Variants in ANKRD13B observed in about 807,000 individuals in gnomAD.
ANKRD13B encodes the protein ankyrin repeat domain-containing protein 13B.
In ANKRD13B, 33 loss-of-function variants were observed where a neutral mutation model predicts 74.4. The ratio of observed to expected loss-of-function variants is 0.44; its 90% CI spans 0.34 to 0.59. The LOEUF is 0.59. Ranked by LOEUF, ANKRD13B falls within the 20% of genes least tolerant of loss-of-function variation. The pLI is 0.02. For synonymous variants in ANKRD13B, 341 were observed against 362.9 expected (o/e 0.94, Z 0.68); for missense variants, 676 against 877.9 (o/e 0.77, Z 2.91).
chr17:29,601,268 C>T (rs1187614752), intron 1 of ANKRD13B, among the ~76,000 whole-genome samples: 1 of 149,708 alleles, frequency 6.7e-6, no homozygotes, highest in Non-Finnish European at 1.5e-5. Flanking sequence ...GTCACCCAGG[C>T]TGGAGTGCAG....
Position 29,593,663 on chromosome 17 carries a change from C to A in ANKRD13B, c.42C>A (p.Gly14=). ...CCTCCGCCAGGAAGGGGCCCGAGGG[C>A]AAGTATCCGCTGCACTACCTCGTGT... ...ANASARKGPE[G]KYPLHYLVWH... is the part of the protein sequence containing the mutation. The change falls in exon 1 of 15, where the codon GGC becomes GGA. Residue 14 remains glycine, a synonymous_variant. Coordinates refer to ENST00000394859, the MANE Select transcript of ANKRD13B (RefSeq NM_152345.5). 1 of 1,430,516 alleles carries A rather than the reference C, an allele frequency of 7.0e-7. No homozygotes were observed. The highest frequency in any genetic ancestry group is 9.2e-7 in the Non-Finnish European group (1 of 1,081,174). The allele number at this position is 1,430,516 out of a possible 1,614,324, so 88.6% of individuals were successfully genotyped here.
At position 29,612,620 on chromosome 17, in the gene ANKRD13B, G is replaced by T. The variant is rs760502252; in HGVS notation, c.1412-32G>T. 33 of 1,520,306 alleles carry T rather than the reference G, an allele frequency of 2.2e-5. No individual in the cohort carries two copies. In the South Asian group the frequency reaches 3.4e-4, roughly 16 times the overall value. 94.2% of individuals were successfully genotyped at this position (1,520,306 alleles called of 1,614,324 possible). A position where few individuals can be genotyped will look rare whatever the true frequency, so the allele number is the denominator to read the frequency against. On this transcript the variant is annotated intron_variant, in intron 12 of 14. Coordinates refer to ENST00000394859, the MANE Select transcript of ANKRD13B (RefSeq NM_152345.5). This position sits in a 1 kb window ranked among gnomAD's most constrained non-coding sequence, Gnocchi z 6.1. ...CGGGGTGGGTGGGAGGGGCGCGCCC[G>T]GCCGTGCCTGACCCAGCCCCCGCGC... is the stretch of plus-strand genomic sequence containing the variant.
chr17:29,596,363 T>C (rs2033955250), intron 1 of ANKRD13B, among the ~76,000 whole-genome samples: 1 of 152,242 alleles, frequency 6.6e-6, no homozygotes. Context: ...GGTGCCCTGC[T>C]TGCCGCTATG....
chr17:29,602,381 T>C (rs1054753594), intron 1 of ANKRD13B, among the ~76,000 whole-genome samples: 9 of 130,156 alleles, frequency 6.9e-5, no homozygotes, highest in African/African-American at 2.8e-4. Context: ...GGCGACAGAG[T>C]GAGATTCCAT....
chr17:29,610,833 C>A, intron 8 of ANKRD13B, 67 bp downstream of exon 8: 5 of 1,476,612 alleles, frequency 3.4e-6, no homozygotes, highest in Non-Finnish European at 4.7e-6. Flanking sequence ...CACTTCAGTG[C>A]TTCCATCAGT....
rs754029689 is a variant in ANKRD13B at position 29,612,632 on chromosome 17, C to G, written c.1412-20C>G. The G allele has an allele frequency of 6.5e-7, 1 of 1,528,356 alleles. No individual in the cohort carries two copies. The highest frequency in any genetic ancestry group is 1.4e-5 in the African/African-American group (1 of 73,352). The allele number at this position is 1,528,356 out of a possible 1,614,324, so 94.7% of individuals were successfully genotyped here. ...GAGGGGCGCGCCCGGCCGTGCCTGA[C>G]CCAGCCCCCGCGCCCCCAGCCTCCT... On this transcript the variant is annotated intron_variant, in intron 12 of 14. Transcript: ENST00000394859. The surrounding 1 kb of genome is among the most constrained non-coding windows in gnomAD (Gnocchi z 6.1).
At chr17:29,596,042 G>A (rs1005542305) in intron 1 of ANKRD13B, among the ~76,000 whole-genome samples, 3 of 151,972 alleles carry the variant, frequency 2.0e-5, no homozygotes, top group Non-Finnish European at 2.9e-5. Context: ...CTGGCCTCTA[G>A]TCCCCCTGGT....
chr17:29,603,370 A>G (rs2034250520), intron 1 of ANKRD13B, among the ~76,000 whole-genome samples: 4 of 152,152 alleles, frequency 2.6e-5, no homozygotes, highest in Admixed American at 2.6e-4. Flanking sequence ...GCTTCAGAGG[A>G]GCTGGGACTA....
Position 29,613,402 on chromosome 17 carries a change from GC to G in ANKRD13B, c.1704del (p.Ser569AlafsTer51). 6.6e-7 allele frequency: 1 copy of G among 1,503,944 alleles called. No homozygotes were observed. Among genetic ancestry groups the G allele is most frequent in the Non-Finnish European group, 8.8e-7 (1 of 1,131,356 alleles). 93.2% of individuals were successfully genotyped at this position (1,503,944 alleles called of 1,614,324 possible). A position where few individuals can be genotyped will look rare whatever the true frequency, so the allele number is the denominator to read the frequency against. ...GCCAGCCTGCGCCCCCGGCGTCAGTGCCCAGCCCTCGGCCCAGCTCAGGGCC... is the reference window on the plus strand; with the variant it reads ...GCCAGCCTGCGCCCCCGGCGTCAGTGCCAGCCCTCGGCCCAGCTCAGGGCC... The part of the protein sequence containing the change: ...QRQPAPPASV[P>X]SPRPSSGPGS... On this transcript the variant is annotated frameshift_variant, in exon 15 of 15. Coordinates refer to ENST00000394859, the MANE Select transcript of ANKRD13B (RefSeq NM_152345.5). LOFTEE classifies it high-confidence loss of function.
chr17:29,610,050 G>A (rs1249012181), intron 7 of ANKRD13B, among the ~76,000 whole-genome samples: 1 of 152,008 alleles, frequency 6.6e-6, no homozygotes, highest in Non-Finnish European at 1.5e-5. Context: ...AAATTAGCCG[G>A]GTGTGGTAGC....
rs971455858 is a variant in ANKRD13B, at chr17:29,611,442, C to T, written c.905-137C>T. The T allele has an allele frequency of 8.7e-6, 7 of 809,016 alleles. No homozygotes were observed. Among genetic ancestry groups the T allele is most frequent in the Middle Eastern group, 3.5e-4 (1 of 2,846 alleles). 50.1% of individuals were successfully genotyped at this position (809,016 alleles called of 1,614,324 possible). On this transcript the variant is annotated intron_variant, in intron 8 of 14. Transcript: ENST00000394859. The surrounding 1 kb of genome is among the most constrained non-coding windows in gnomAD (Gnocchi z 4.3). ...CTCAGTCCCCTTCAGGTGAAGGTGCCTGAGTATGTGGTTGGGTGAGCAGGC... is the reference window on the plus strand; with the variant it reads ...CTCAGTCCCCTTCAGGTGAAGGTGCTTGAGTATGTGGTTGGGTGAGCAGGC...
intron 1 of ANKRD13B, among the ~76,000 whole-genome samples, chr17:29,600,156 G>A (rs1267183490): frequency 1.3e-5 from 2 of 152,130 alleles, no homozygotes; most frequent in Non-Finnish European, 2.9e-5. Context: ...GATTACAGGC[G>A]TGAGCCACTG....
rs758170371 is a variant in ANKRD13B at position 29,608,291 on chromosome 17, C to T, written c.421+51C>T. ...CTGGGCTCTCCCACTTTAGGTCCTG[C>T]GCTTGCTCCCCTGCCTGGAATGTGT... On this transcript the variant is annotated intron_variant, in intron 4 of 14. Transcript: ENST00000394859. This position sits in a 1 kb window ranked among gnomAD's most constrained non-coding sequence, Gnocchi z 6.4. 3.1e-6 allele frequency: 5 copies of T among 1,609,492 alleles called. No homozygotes were observed. Among genetic ancestry groups the T allele is most frequent in the East Asian group, 4.5e-5 (2 of 44,850 alleles).
rs1021471982 is a variant in ANKRD13B at position 29,609,536 on chromosome 17, G to A, written c.822+115G>A. On this transcript the variant is annotated intron_variant, in intron 7 of 14. Coordinates refer to ENST00000394859, the MANE Select transcript of ANKRD13B (RefSeq NM_152345.5). The surrounding 1 kb of genome is among the most constrained non-coding windows in gnomAD (Gnocchi z 4.0). ...GGAGGTACAGAAGCAATGCAGCGTGGTCAAGCACTTATATTTGGGTTCAAG... is the reference window on the plus strand; with the variant it reads ...GGAGGTACAGAAGCAATGCAGCGTGATCAAGCACTTATATTTGGGTTCAAG... 2 of 1,261,634 alleles carry A rather than the reference G, an allele frequency of 1.6e-6. No homozygotes were observed. Among genetic ancestry groups the A allele is most frequent in the African/African-American group, 1.5e-5 (1 of 66,938 alleles). The allele number at this position is 1,261,634 out of a possible 1,614,324, so 78.2% of individuals were successfully genotyped here. A position where few individuals can be genotyped will look rare whatever the true frequency, so the allele number is the denominator to read the frequency against.
chr17:29,596,424 C>T (rs1201859019), intron 1 of ANKRD13B, among the ~76,000 whole-genome samples: 5 of 152,226 alleles, frequency 3.3e-5, no homozygotes, highest in Non-Finnish European at 7.3e-5. Context: ...AGGGAATATG[C>T]CAGTTCCCCC....
intron 1 of ANKRD13B, among the ~76,000 whole-genome samples, chr17:29,599,224 G>A (rs1476062720): frequency 1.3e-5 from 2 of 152,200 alleles, no homozygotes; most frequent in African/African-American, 4.8e-5. Flanking sequence ...GCGAAGGGTG[G>A]AGCAAATGAG....
chr17:29,599,072 C>T (rs1322445867), intron 1 of ANKRD13B, among the ~76,000 whole-genome samples: 2 of 152,088 alleles, frequency 1.3e-5, no homozygotes, highest in Non-Finnish European at 2.9e-5. Context: ...TGGATAGAGC[C>T]ATAGCAGCTG....
At position 29,607,791 on chromosome 17, in the gene ANKRD13B, C is replaced by T; in HGVS notation, c.164C>T (p.Ala55Val). 6.2e-7 allele frequency: 1 copy of T among 1,603,288 alleles called. No individual in the cohort carries two copies. Among genetic ancestry groups the T allele is most frequent in the Non-Finnish European group, 8.5e-7 (1 of 1,179,830 alleles). ...CGCGGCCGGACTCCCCTGCACCTGG[C>T]CACCACGCTGGGGCACCTTGAGTGT... ...DPRGRTPLHLATTLGHLECAR... is the reference protein window; with the variant it reads ...DPRGRTPLHLVTTLGHLECAR... Residue 55 changes from alanine (A) to valine (V), a missense_variant, in exon 2 of 15, where the codon GCC becomes GTC. Physicochemically the swap from Ala to Val is moderately conservative, Grantham distance 64. Coordinates refer to ENST00000394859, the MANE Select transcript of ANKRD13B (RefSeq NM_152345.5).
In ANKRD13B at chr17:29,593,392, G is replaced by T; in HGVS notation, c.-230G>T. On this transcript the variant is annotated 5_prime_UTR_variant, in exon 1 of 15. Coordinates refer to ENST00000394859, the MANE Select transcript of ANKRD13B (RefSeq NM_152345.5). ...GTGCCCGCTCCCTCCCAGGGCGGGT[G>T]GGGGCCTCTCCGCGCCGCCCGCCGC... The T allele has an allele frequency of 1.4e-5, 2 of 146,970 alleles. No homozygotes were observed. The highest frequency in any genetic ancestry group is 3.7e-4 in the South Asian group (2 of 5,420). The allele number at this position is 146,970 out of a possible 1,614,324, so 9.1% of individuals were successfully genotyped here. A position where few individuals can be genotyped will look rare whatever the true frequency, so the allele number is the denominator to read the frequency against.
Sources: allele counts gnomAD v4.1 joint callset (sites outside exome capture counted in the v4.1 genomes callset), GRCh38; gene constraint gnomAD v4.1.1; non-coding constraint Gnocchi (gnomAD v3.1); transcripts MANE v1.5; gene names NCBI Gene and HGNC (gene_info 2026-07-23, HGNC 2026-07-21).